ARFIP1: variants seen among roughly 807,000 people sequenced by gnomAD.
ARFIP1 encodes ARF interacting protein 1.
ARFIP1 carries 24 observed loss-of-function variants against 42.5 expected under a neutral mutation model. That is an observed-to-expected ratio of 0.57 (90% confidence interval 0.41 to 0.80). The LOEUF is 0.80. Among genes scored for constraint, ARFIP1 ranks in the 30% least tolerant of loss-of-function variants. The probability of loss-of-function intolerance (pLI) is 0.00; values close to 1 mark genes in which losing one functional copy is unlikely to be tolerated. For missense variants in ARFIP1, 354 were observed against 434.0 expected (o/e 0.82, Z 1.64); for synonymous variants, 141 against 153.7 (o/e 0.92, Z 0.61).
intron 2 of ARFIP1, 66 bp downstream of exon 2, chr4:152,829,792 G>C (rs1731129328): frequency 8.0e-7 from 1 of 1,247,244 alleles, no homozygotes; most frequent in Non-Finnish European, 1.1e-6. Flanking sequence ...TGAGATGAAA[G>C]TAATAGACAA....
rs78255955 is a variant in ARFIP1, at chr4:152,909,827, T to A, written c.967-237T>A. Among the ~76,000 whole-genome samples the A allele has an allele frequency of 5.4e-3, 826 of 152,280 alleles. 8 individuals are homozygous for A. The highest frequency in any genetic ancestry group is 0.014 in the South Asian group (69 of 4,826). On this transcript the variant is annotated intron_variant, in intron 8 of 8. Transcript: ENST00000353617. ...TAATGTTTGAAAATGGTTAATAGGGTATATATTTGGGCATCTTAAAACTGA... is the reference window on the plus strand; with the variant it reads ...TAATGTTTGAAAATGGTTAATAGGGAATATATTTGGGCATCTTAAAACTGA...
chr4:152,889,516 TATATATATATATATATATAC>T lies in ARFIP1; in HGVS notation c.966+1211_966+1230del, dbSNP rs1437239713. Among the ~76,000 whole-genome samples the T allele has an allele frequency of 2.7e-4, 22 of 82,744 alleles. No homozygotes were observed. In the East Asian group the frequency reaches 4.9e-3, roughly 19 times the overall value. 54.3% of individuals were successfully genotyped at this position (82,744 alleles called of 152,430 possible). ...TTTTAGTCATATATATATATATATA[TATATATATATATATATATAC>T]ACCTATTTTTGTGTGTGTGTGTATA... On this transcript the variant is annotated intron_variant, in intron 8 of 8. Transcript: ENST00000353617.
intron 8 of ARFIP1, among the ~76,000 whole-genome samples, chr4:152,894,229 A>T (rs2149902930): frequency 6.6e-6 from 1 of 152,028 alleles, no homozygotes; most frequent in East Asian, 1.9e-4. Flanking sequence ...AAAAGAAAGA[A>T]AAAAATGCTC....
rs995158032 is a variant in ARFIP1 at position 152,829,578 on chromosome 4, T to C, written c.-9-47T>C. The C allele has an allele frequency of 4.6e-6, 6 of 1,313,106 alleles. No homozygotes were observed. In the African/African-American group the frequency reaches 7.4e-5, roughly 16 times the overall value. The allele number at this position is 1,313,106 out of a possible 1,614,324, so 81.3% of individuals were successfully genotyped here. On this transcript the variant is annotated intron_variant, in intron 1 of 8. Transcript: ENST00000353617. ...GTACTATAAACATGAATATAGTCTTTATGATTTGGTATTAGTTACGGCGCT... is the reference window on the plus strand; with the variant it reads ...GTACTATAAACATGAATATAGTCTTCATGATTTGGTATTAGTTACGGCGCT...
At chr4:152,795,899 T>C (rs979756756) in intron 1 of ARFIP1, among the ~76,000 whole-genome samples, 2 of 149,518 alleles carry the variant, frequency 1.3e-5, no homozygotes, top group African/African-American at 4.9e-5. Flanking sequence ...TGGTCCTTTT[T>C]CCCTTTGTTT....
intron 8 of ARFIP1, among the ~76,000 whole-genome samples, chr4:152,892,804 C>CT (rs1736975747): frequency 6.6e-6 from 1 of 152,168 alleles, no homozygotes; most frequent in African/African-American, 2.4e-5. Flanking sequence ...TTGTGTTTGC[C>CT]TTTAACCTAA....
At chr4:152,896,913 T>G (rs1174328336) in intron 8 of ARFIP1, among the ~76,000 whole-genome samples, 2 of 152,208 alleles carry the variant, frequency 1.3e-5, no homozygotes. Context: ...ATAGAAAAAG[T>G]TAACTTAGAA....
At chr4:152,829,754 C>A in intron 2 of ARFIP1, 28 bp downstream of exon 2, 2 of 1,501,372 alleles carry the variant, frequency 1.3e-6, no homozygotes, top group Non-Finnish European at 1.8e-6. Context: ...TCTCTTAATG[C>A]AAAGAATCAT....
chr4:152,873,517 A>C (rs1364731911), intron 5 of ARFIP1, among the ~76,000 whole-genome samples: 1 of 152,196 alleles, frequency 6.6e-6, no homozygotes, highest in Admixed American at 6.5e-5. Context: ...AATCTGAGAA[A>C]TCCCAGTGGT....
chr4:152,820,737 C>G (rs1197864445), intron 1 of ARFIP1, among the ~76,000 whole-genome samples: 3 of 152,190 alleles, frequency 2.0e-5, no homozygotes. Flanking sequence ...GGCTCCTCTT[C>G]CAACATTGGG....
intron 3 of ARFIP1, among the ~76,000 whole-genome samples, chr4:152,869,583 G>GCTT (rs1467465193): frequency 6.8e-6 from 1 of 147,722 alleles, no homozygotes; most frequent in Non-Finnish European, 1.5e-5. Flanking sequence ...TGAGTAGCTG[G>GCTT]GACTACAGGC....
intron 2 of ARFIP1, among the ~76,000 whole-genome samples, chr4:152,849,200 G>A (rs1472065172): frequency 6.6e-6 from 1 of 152,040 alleles, no homozygotes; most frequent in African/African-American, 2.4e-5. Flanking sequence ...CATAATGAAA[G>A]GTTGAAGGCT....
intron 2 of ARFIP1, among the ~76,000 whole-genome samples, chr4:152,842,271 CTT>C (rs1246548165): frequency 6.6e-6 from 1 of 150,500 alleles, no homozygotes; most frequent in African/African-American, 2.5e-5. Flanking sequence ...TGGCTACCCT[CTT>C]TGTGTCCCCT....
intron 1 of ARFIP1, among the ~76,000 whole-genome samples, chr4:152,805,261 T>C (rs1728909300): frequency 6.6e-6 from 1 of 152,234 alleles, no homozygotes; most frequent in Non-Finnish European, 1.5e-5. Context: ...AGGTCTTATG[T>C]TGTAAGCAAA....
At chr4:152,898,088 A>G (rs1314794560) in intron 8 of ARFIP1, among the ~76,000 whole-genome samples, 1 of 150,922 alleles carries the variant, frequency 6.6e-6, no homozygotes, top group South Asian at 2.1e-4. Context: ...GGTTCAAGCA[A>G]TTCTCTGCCT....
At chr4:152,873,333 T>C (rs1292862698) in intron 5 of ARFIP1, among the ~76,000 whole-genome samples, 3 of 152,228 alleles carry the variant, frequency 2.0e-5, no homozygotes, top group Admixed American at 2.0e-4. Flanking sequence ...AGAACAGGCC[T>C]TTCTTACATC....
In ARFIP1 at chr4:152,829,731, G is replaced by T. The variant is rs1239130783; in HGVS notation, c.93+5G>T. On this transcript the variant is annotated splice_donor_5th_base_variant and intron_variant, in intron 2 of 8. Coordinates refer to ENST00000353617, the MANE Select transcript of ARFIP1 (RefSeq NM_001025595.3). Reference sequence around the variant, plus strand: ...CGTGAACATAGCTTTAATAGGGTAAGAACACTTTTCTTTCTCTTAATGCAA... The same window carrying T: ...CGTGAACATAGCTTTAATAGGGTAATAACACTTTTCTTTCTCTTAATGCAA... The T allele has an allele frequency of 9.5e-6, 15 of 1,579,956 alleles. No individual in the cohort carries two copies. The highest frequency in any genetic ancestry group is 6.8e-5 in the African/African-American group (5 of 73,730).
intron 7 of ARFIP1, among the ~76,000 whole-genome samples, chr4:152,886,386 G>A (rs1736267353): frequency 1.3e-5 from 2 of 151,900 alleles, no homozygotes; most frequent in African/African-American, 4.8e-5. Context: ...CTGCCTGCCT[G>A]TCTAATGTTA....
intron 3 of ARFIP1, among the ~76,000 whole-genome samples, chr4:152,866,487 C>T (rs1428946631): frequency 5.3e-5 from 8 of 149,818 alleles, no homozygotes; most frequent in African/African-American, 1.7e-4. Flanking sequence ...GGCAGCTGGC[C>T]GGGCGGGGGC....
Sources: gnomAD v4.1 joint callset for allele counts (sites outside exome capture counted in the v4.1 genomes callset) on GRCh38, gnomAD v4.1.1 for gene constraint, MANE v1.5 for transcripts, NCBI Gene and HGNC (gene_info 2026-07-23, HGNC 2026-07-21) for gene names.